The following DAPK1 variants were observed in gnomAD, a reference collection of about 807,000 sequenced individuals.
DAPK1 encodes the protein death associated protein kinase 1.
In DAPK1, 56 loss-of-function variants were observed where a neutral mutation model predicts 144.9. That is an observed-to-expected ratio of 0.39 (90% CI 0.31 to 0.48). DAPK1 has a LOEUF of 0.48. DAPK1 is among the 20% of genes least tolerant of loss of function. The pLI, the probability that DAPK1 is intolerant of heterozygous loss-of-function variation, is 0.95. For missense variants in DAPK1, 1,454 were observed against 1,875.4 expected, an observed-to-expected ratio of 0.78 and a Z score of 4.15; for synonymous variants, 690 against 749.0, an observed-to-expected ratio of 0.92 and a Z score of 1.29.
chr9:87,614,002 A>C (rs1829013577), intron 3 of DAPK1, among the ~76,000 whole-genome samples: 1 of 152,194 alleles, frequency 6.6e-6, no homozygotes, highest in Non-Finnish European at 1.5e-5. Context: ...AAGAGCAGAG[A>C]AGTAAAGTGC....
chr9:87,508,171 C>T (rs981009397), intron 2 of DAPK1, among the ~76,000 whole-genome samples: 5 of 151,696 alleles, frequency 3.3e-5, no homozygotes, highest in African/African-American at 7.3e-5. Context: ...GCCACGACGC[C>T]CGGCTAATTT....
chr9:87,577,401 C>A (rs1827602035), intron 2 of DAPK1, among the ~76,000 whole-genome samples: 1 of 152,200 alleles, frequency 6.6e-6, no homozygotes, highest in Non-Finnish European at 1.5e-5. Context: ...GAATCTTAGA[C>A]TTCCCTGAGG....
At chr9:87,551,935 C>T (rs1474531291) in intron 2 of DAPK1, among the ~76,000 whole-genome samples, 1 of 152,182 alleles carries the variant, frequency 6.6e-6, no homozygotes. Flanking sequence ...CCGTGGGCAG[C>T]CGGAATCTAG....
At chr9:87,647,093 C>T (rs12343313) in intron 13 of DAPK1, among the ~76,000 whole-genome samples, 10,731 of 152,312 alleles carry the variant, frequency 0.07, 1,295 homozygotes, top group African/African-American at 0.24. Context: ...CCATCATTCG[C>T]TTCACCCAGG....
intron 2 of DAPK1, among the ~76,000 whole-genome samples, chr9:87,552,054 C>G (rs973185935): frequency 1.5e-4 from 21 of 141,522 alleles, no homozygotes; most frequent in African/African-American, 5.5e-4. Flanking sequence ...AGCCAGCAGG[C>G]CTCGCGAGGC....
At chr9:87,530,119 G>T (rs1587691631) in intron 2 of DAPK1, among the ~76,000 whole-genome samples, 1 of 152,198 alleles carries the variant, frequency 6.6e-6, no homozygotes, top group East Asian at 1.9e-4. Flanking sequence ...AATGGAAAAA[G>T]CACAGCCTAA....
rs752187244 is a variant in DAPK1, at chr9:87,604,978, A to G, written c.87A>G (p.Lys29=). 7 of 1,614,012 alleles carry G rather than the reference A, an allele frequency of 4.3e-6. No homozygotes were observed. Among genetic ancestry groups the G allele is most frequent in the East Asian group, 4.5e-5 (2 of 44,886 alleles). Residue 29 remains lysine, a synonymous_variant, in exon 3 of 26, where the codon AAA becomes AAG. Coordinates refer to ENST00000408954, the MANE Select transcript of DAPK1 (RefSeq NM_004938.4). ...GTGGACAGTTTGCGGTTGTGAAGAA[A>G]TGCCGTGAGAAAAGCACCGGCCTCC... ...LGSGQFAVVK[K]CREKSTGLQY...
intron 17 of DAPK1, among the ~76,000 whole-genome samples, chr9:87,655,129 T>A (rs1484078822): frequency 6.6e-6 from 1 of 152,208 alleles, no homozygotes; most frequent in East Asian, 1.9e-4. Context: ...GCTCAGCTGA[T>A]GTGAAAATCA....
In DAPK1 at chr9:87,497,901, C is replaced by T; in HGVS notation, c.-315C>T. On this transcript the variant is annotated 5_prime_UTR_variant, in exon 1 of 26. Transcript: ENST00000408954. Reference sequence around the variant, plus strand: ...TGTGAGGAGGACAGCCGGACCGAGCCAACGCCGGGGACTTTGTTCCCTCCG... The same window carrying T: ...TGTGAGGAGGACAGCCGGACCGAGCTAACGCCGGGGACTTTGTTCCCTCCG... 1 of 395,116 alleles carries T rather than the reference C, an allele frequency of 2.5e-6. No individual in the cohort carries two copies. The highest frequency in any genetic ancestry group is 4.5e-6 in the Non-Finnish European group (1 of 224,290). 24.5% of individuals were successfully genotyped at this position (395,116 alleles called of 1,614,324 possible).
chr9:87,524,534 C>T (rs771628696), intron 2 of DAPK1, among the ~76,000 whole-genome samples: 4 of 152,170 alleles, frequency 2.6e-5, no homozygotes, highest in Admixed American at 6.5e-5. Context: ...ACCACCTCCT[C>T]GCAGAATCCC....
chr9:87,571,191 G>A (rs560724454), intron 2 of DAPK1, among the ~76,000 whole-genome samples: 1 of 152,092 alleles, frequency 6.6e-6, no homozygotes, highest in Admixed American at 6.5e-5. Context: ...TGTACCCTGG[G>A]AACAAAAGCC....
intron 19 of DAPK1, among the ~76,000 whole-genome samples, chr9:87,677,578 TG>T (rs1824440321): frequency 6.6e-6 from 1 of 152,154 alleles, no homozygotes; most frequent in Non-Finnish European, 1.5e-5. Flanking sequence ...CGGGATCCAG[TG>T]ACTGGATTTA....
chr9:87,670,319 C>T (rs953275654), intron 19 of DAPK1, among the ~76,000 whole-genome samples: 16 of 152,076 alleles, frequency 1.1e-4, no homozygotes, highest in African/African-American at 3.6e-4. Flanking sequence ...CAGAATCTCA[C>T]GCCTCTAGGC....
rs762652376 is a variant in DAPK1, at chr9:87,697,179, C to T, written c.2586C>T (p.Ser862=). Residue 862 remains serine, a synonymous_variant, in exon 22 of 26, where the codon TCC becomes TCT. Transcript: ENST00000408954. ...QVIFWLSFLK[S]LVPVEEPIAF... is the part of the protein sequence containing the mutation. ...TTTTCTGGCTCAGTTTCCTGAAGTCCCTTGTCCCAGTTGAAGAACCCATAG... is the reference window on the plus strand; with the variant it reads ...TTTTCTGGCTCAGTTTCCTGAAGTCTCTTGTCCCAGTTGAAGAACCCATAG... 2.7e-5 allele frequency: 42 copies of T among 1,571,700 alleles called. No individual in the cohort carries two copies. Among genetic ancestry groups the T allele is most frequent in the Middle Eastern group, 1.7e-4 (1 of 6,014 alleles).
chr9:87,602,865 C>G (rs531586195), intron 2 of DAPK1, among the ~76,000 whole-genome samples: 1 of 152,270 alleles, frequency 6.6e-6, no homozygotes, highest in Admixed American at 6.5e-5. Context: ...AACTCCTGAC[C>G]TCATGATCCA....
intron 19 of DAPK1, among the ~76,000 whole-genome samples, chr9:87,678,242 ACC>A (rs36217442): frequency 0.017 from 2,565 of 152,340 alleles, 67 homozygotes; most frequent in African/African-American, 0.059. Flanking sequence ...ACAGGGACGC[ACC>A]TACTACACAG....
At chr9:87,572,915 T>C (rs1394669015) in intron 2 of DAPK1, among the ~76,000 whole-genome samples, 1 of 152,158 alleles carries the variant, frequency 6.6e-6, no homozygotes, top group African/African-American at 2.4e-5. Flanking sequence ...CAGAATGCAT[T>C]GGGTGGTGAG....
At chr9:87,639,505 G>T in intron 5 of DAPK1, 22 bp downstream of exon 5, 1 of 1,610,184 alleles carries the variant, frequency 6.2e-7, no homozygotes, top group Non-Finnish European at 8.5e-7. Context: ...TGCTCCTGTG[G>T]TCATTTACGT....
chr9:87,592,200 G>C (rs1206761852), intron 2 of DAPK1, among the ~76,000 whole-genome samples: 3 of 152,212 alleles, frequency 2.0e-5, no homozygotes, highest in African/African-American at 7.2e-5. Flanking sequence ...GAGGGGTACA[G>C]AGCTCCTTAG....
Sources: allele counts gnomAD v4.1 joint callset (sites outside exome capture counted in the v4.1 genomes callset), GRCh38; gene constraint gnomAD v4.1.1; transcripts MANE v1.5; gene names NCBI Gene and HGNC (gene_info 2026-07-23, HGNC 2026-07-21).